Variants in AVEN observed in about 807,000 individuals in gnomAD.
AVEN encodes the protein apoptosis and caspase activation inhibitor.
In AVEN, 41 loss-of-function variants were observed where a neutral mutation model predicts 38.1. That is an observed-to-expected ratio of 1.08 (90% CI 0.84 to 1.40). AVEN has a LOEUF of 1.40. Ranked by LOEUF, AVEN falls within the 40% of genes most tolerant of loss-of-function variation. The pLI is 0.00. For missense variants in AVEN, 605 were observed against 438.8 expected, an observed-to-expected ratio of 1.38 and a Z score of -3.38; for synonymous variants, 206 against 171.8, an observed-to-expected ratio of 1.20 and a Z score of -1.56.
At chr15:33,933,524 C>CACACACACACACAGAGAGAG (rs1893945145) in intron 2 of AVEN, among the ~76,000 whole-genome samples, 9 of 46,642 alleles carry the variant, frequency 1.9e-4, no homozygotes, top group Admixed American at 6.3e-4. Context: ...CACACACACA[C>CACACACACACACAGAGAGAG]AGAGAGAGAG....
intron 2 of AVEN, among the ~76,000 whole-genome samples, chr15:33,900,382 A>C (rs1480348839): frequency 6.6e-6 from 1 of 150,810 alleles, no homozygotes; most frequent in Non-Finnish European, 1.5e-5. Flanking sequence ...ATCACAGCTT[A>C]CTGCAGCCTC....
the AVEN span, chr15:33,853,023 C>A: frequency 9.4e-6 from 15 of 1,597,062 alleles, no homozygotes; most frequent in South Asian, 1.5e-4. Context: ...GAAGAACCAA[C>A]CTTTTTCGTT....
chr15:33,902,761 A>G (rs911503749), intron 2 of AVEN, among the ~76,000 whole-genome samples: 1 of 152,264 alleles, frequency 6.6e-6, no homozygotes, highest in African/African-American at 2.4e-5. Flanking sequence ...CTACGCACAA[A>G]TAAAACAGCC....
At chr15:34,039,777 A>G (rs1219973872), upstream of AVEN, among the ~76,000 whole-genome samples, 4 of 152,204 alleles carry the variant, frequency 2.6e-5, no homozygotes, top group Non-Finnish European at 4.4e-5. Context: ...TAACAGCTCT[A>G]TGAGGTAGGG....
chr15:33,977,498 G>T (rs922755628), intron 2 of AVEN, among the ~76,000 whole-genome samples: 1 of 152,078 alleles, frequency 6.6e-6, no homozygotes, highest in Non-Finnish European at 1.5e-5. Flanking sequence ...CTATGACAGC[G>T]TGCTTTGATT....
intron 2 of AVEN, among the ~76,000 whole-genome samples, chr15:33,897,965 G>A (rs762592000): frequency 5.3e-5 from 8 of 152,248 alleles, no homozygotes; most frequent in Non-Finnish European, 5.9e-5. Context: ...CGAAGGGGGC[G>A]GATCACAAGG....
Position 34,038,910 on chromosome 15 carries a change from TCCCCGCCGCCGC to T in AVEN, c.125_136del (p.Gly42_Gly45del), listed in dbSNP as rs1324454068. ...GCCACGGCCCCGGCGTCCGCCTCCGTCCCCGCCGCCGCCTCCGCCGCCGCCTCTGGCTACCGC... is the reference window on the plus strand; with the variant it reads ...GCCACGGCCCCGGCGTCCGCCTCCGTCTCCGCCGCCGCCTCTGGCTACCGC... On this transcript the variant is annotated inframe_deletion, in exon 1 of 6. Coordinates refer to ENST00000306730, the MANE Select transcript of AVEN (RefSeq NM_020371.3). The T allele has an allele frequency of 2.9e-5, 32 of 1,106,740 alleles. No homozygotes were observed. In the East Asian group the frequency reaches 8.9e-4, roughly 31 times the overall value. 68.6% of individuals were successfully genotyped at this position (1,106,740 alleles called of 1,614,324 possible).
chr15:34,062,968 T>C (rs1274511792), exon 5 of AVEN: 1 of 1,614,008 alleles, frequency 6.2e-7, no homozygotes, highest in South Asian at 1.1e-5. Flanking sequence ...ATCTTCTCCA[T>C]GAACCTCTAC....
chr15:33,923,755 A>G (rs1893498893), intron 2 of AVEN, among the ~76,000 whole-genome samples: 2 of 151,970 alleles, frequency 1.3e-5, no homozygotes, highest in Non-Finnish European at 2.9e-5. Flanking sequence ...GTGGCAAGGC[A>G]GGGGAGAGTG....
At chr15:33,926,856 T>C (rs1401496751) in intron 2 of AVEN, among the ~76,000 whole-genome samples, 1 of 152,152 alleles carries the variant, frequency 6.6e-6, no homozygotes, top group Admixed American at 6.6e-5. Flanking sequence ...GGTTTTGCCA[T>C]GTTGGCAAGG....
chr15:33,888,623 T>G (rs1207055515), intron 2 of AVEN, among the ~76,000 whole-genome samples: 2 of 152,206 alleles, frequency 1.3e-5, no homozygotes, highest in Non-Finnish European at 2.9e-5. Flanking sequence ...ATATTAATGT[T>G]TATAGTCAAT....
chr15:34,064,486 C>T, intron 4 of AVEN: 1 of 749,334 alleles, frequency 1.3e-6, no homozygotes, highest in South Asian at 2.0e-5. Context: ...GCCATAGCTG[C>T]AGCAATTGCT....
At chr15:34,066,736 G>A (rs1407151164) in exon 3 of AVEN, 2 of 151,918 alleles carry the variant, frequency 1.3e-5, no homozygotes, top group African/African-American at 4.8e-5. Context: ...GATCGCATGA[G>A]CCCAGGAGTT....
In AVEN at chr15:34,050,662, C is replaced by G. The variant is rs190848273; in HGVS notation, n.1637+12260G>C. Among the ~76,000 whole-genome samples, 566 of 152,116 alleles carry G rather than the reference C, an allele frequency of 3.7e-3. 1 individual carries two copies. Among genetic ancestry groups the G allele is most frequent in the Middle Eastern group, 0.017 (5 of 294 alleles). ...AAATAAAGGAATGGAGAAAAATTTA[C>G]CAAACAAATGGAAAACAGAAAAAAG... On this transcript the variant is annotated intron_variant and non_coding_transcript_variant, in intron 5 of 11. Transcript: ENST00000675287.
chr15:33,963,328 G>C (rs894283850), intron 2 of AVEN, among the ~76,000 whole-genome samples: 1 of 152,128 alleles, frequency 6.6e-6, no homozygotes, highest in African/African-American at 2.4e-5. Flanking sequence ...GATCCAAGAG[G>C]AAGATAGATC....
At chr15:33,855,028 T>C (rs371537896), downstream of AVEN, 41 of 1,097,656 alleles carry the variant, frequency 3.7e-5, no homozygotes, top group East Asian at 1.1e-3. Flanking sequence ...ATAATGTACT[T>C]TTCTTGGCCA....
At chr15:33,935,648 G>T (rs1284560278) in intron 2 of AVEN, among the ~76,000 whole-genome samples, 1 of 152,016 alleles carries the variant, frequency 6.6e-6, no homozygotes, top group Non-Finnish European at 1.5e-5. Flanking sequence ...TGACTACATG[G>T]AAAGTGCAAG....
intron 5 of AVEN, among the ~76,000 whole-genome samples, chr15:34,060,761 T>G (rs1272630264): frequency 6.6e-6 from 1 of 152,148 alleles, no homozygotes; most frequent in Non-Finnish European, 1.5e-5. Flanking sequence ...TCCCAGCTAC[T>G]CAGGAGGCTG....
intron 11 of AVEN, chr15:33,861,049 A>C: frequency 6.7e-7 from 1 of 1,492,870 alleles, no homozygotes; most frequent in Non-Finnish European, 9.2e-7. Flanking sequence ...ATGCCAACAA[A>C]TGCCTTTTCT....
Sources: allele counts gnomAD v4.1 joint callset (sites outside exome capture counted in the v4.1 genomes callset), GRCh38; gene constraint gnomAD v4.1.1; transcripts MANE v1.5; gene names NCBI Gene and HGNC (gene_info 2026-07-23, HGNC 2026-07-21).